The following NREP variants were observed in gnomAD, a reference collection of about 807,000 sequenced individuals.
NREP encodes neuronal regeneration related protein.
Under a neutral mutation model 8.6 loss-of-function variants are expected in NREP, and 5 were observed. The ratio of observed to expected loss-of-function variants is 0.58; its 90% CI spans 0.30 to 1.22. The LOEUF (loss-of-function observed/expected upper bound fraction) is 1.22, where lower values mean the gene tolerates loss of function less well. Ranked by LOEUF, NREP falls within the 50% of genes most tolerant of loss-of-function variation. The pLI is 0.07. For missense variants in NREP, 86 were observed against 82.5 expected (o/e 1.04, Z -0.17); for synonymous variants, 27 against 28.0 (o/e 0.96, Z 0.11).
intron 2 of NREP, among the ~76,000 whole-genome samples, chr5:111,744,137 T>C (rs533041935): frequency 1.0e-3 from 156 of 152,130 alleles, no homozygotes; most frequent in Non-Finnish European, 1.9e-3. Flanking sequence ...AAAGTCTGCA[T>C]TTTCCCCCGA....
At chr5:111,967,818 C>T (rs1756688405) in intron 2 of NREP, among the ~76,000 whole-genome samples, 1 of 152,086 alleles carries the variant, frequency 6.6e-6, no homozygotes. Context: ...GATCTTTTTC[C>T]CTCTCTTTCC....
intron 2 of NREP, among the ~76,000 whole-genome samples, chr5:111,970,265 T>C (rs1756773105): frequency 6.6e-6 from 1 of 152,166 alleles, no homozygotes; most frequent in African/African-American, 2.4e-5. Flanking sequence ...AGACAACTAG[T>C]AAAATAAACA....
At chr5:111,787,069 A>G (rs916060652) in intron 2 of NREP, among the ~76,000 whole-genome samples, 6 of 152,326 alleles carry the variant, frequency 3.9e-5, no homozygotes, top group Admixed American at 2.0e-4. Context: ...AAAAGGAACC[A>G]GCAGTAGCCA....
intron 2 of NREP, among the ~76,000 whole-genome samples, chr5:111,930,486 A>T (rs757380787): frequency 1.8e-4 from 28 of 152,300 alleles, no homozygotes; most frequent in Admixed American, 4.6e-4. Context: ...CCTTTTAACC[A>T]GAATGAGTTT....
At chr5:111,828,631 T>G (rs1752686158) in intron 2 of NREP, among the ~76,000 whole-genome samples, 1 of 152,052 alleles carries the variant, frequency 6.6e-6, no homozygotes, top group Non-Finnish European at 1.5e-5. Flanking sequence ...ATAAAAAAAA[T>G]GACTATGTAA....
At chr5:111,930,780 C>T (rs893254188) in intron 2 of NREP, among the ~76,000 whole-genome samples, 2 of 152,168 alleles carry the variant, frequency 1.3e-5, no homozygotes, top group African/African-American at 4.8e-5. Context: ...AGCAGTCTCT[C>T]TCCTCTTGCC....
chr5:111,810,527 ATC>A (rs1752246611), intron 2 of NREP, among the ~76,000 whole-genome samples: 1 of 152,214 alleles, frequency 6.6e-6, no homozygotes, highest in Admixed American at 6.5e-5. Flanking sequence ...TCCTGAGTGA[ATC>A]TCTGTTACTG....
chr5:111,799,645 C>T (rs934970554), intron 2 of NREP, among the ~76,000 whole-genome samples: 10 of 152,202 alleles, frequency 6.6e-5, no homozygotes, highest in Non-Finnish European at 1.5e-5. Flanking sequence ...AGACTGGCTT[C>T]ATATTCCCAC....
intron 2 of NREP, among the ~76,000 whole-genome samples, chr5:111,930,306 T>G (rs1215170548): frequency 6.6e-6 from 1 of 152,138 alleles, no homozygotes; most frequent in Non-Finnish European, 1.5e-5. Context: ...CAAATTCCAC[T>G]CCATCTGTTA....
chr5:111,914,145 A>T (rs1223785396), intron 2 of NREP, among the ~76,000 whole-genome samples: 1 of 152,122 alleles, frequency 6.6e-6, no homozygotes, highest in Non-Finnish European at 1.5e-5. Context: ...TCCATCTAAG[A>T]ATGTCCAGTA....
upstream of NREP, among the ~76,000 whole-genome samples, chr5:111,761,365 G>A (rs1453871343): frequency 6.6e-6 from 1 of 152,102 alleles, no homozygotes; most frequent in Non-Finnish European, 1.5e-5. Context: ...CTTTCCACAT[G>A]CTATTCCTCC....
intron 2 of NREP, among the ~76,000 whole-genome samples, chr5:111,924,901 G>C (rs908540405): frequency 6.6e-6 from 1 of 152,072 alleles, no homozygotes; most frequent in African/African-American, 2.4e-5. Flanking sequence ...AAGGATGCTG[G>C]CTCCCATGTG....
At chr5:111,768,192 T>A (rs1337477362) in intron 2 of NREP, among the ~76,000 whole-genome samples, 1 of 152,024 alleles carries the variant, frequency 6.6e-6, no homozygotes, top group Non-Finnish European at 1.5e-5. Flanking sequence ...TGAGGTAGAA[T>A]TGGTGGGAGA....
intron 2 of NREP, among the ~76,000 whole-genome samples, chr5:111,852,748 C>T (rs1308624544): frequency 6.6e-6 from 1 of 152,052 alleles, no homozygotes; most frequent in Non-Finnish European, 1.5e-5. Flanking sequence ...AATACAGTGT[C>T]ATTGTTTTTG....
chr5:111,837,418 T>G (rs1752921778), intron 2 of NREP, among the ~76,000 whole-genome samples: 1 of 151,994 alleles, frequency 6.6e-6, no homozygotes, highest in Non-Finnish European at 1.5e-5. Flanking sequence ...TGGTTGAAAT[T>G]GATTGAAAGA....
chr5:111,841,204 A>G (rs1200117778), intron 2 of NREP, among the ~76,000 whole-genome samples: 2 of 152,142 alleles, frequency 1.3e-5, no homozygotes, highest in Admixed American at 6.6e-5. Context: ...CTGAAGAACT[A>G]TATAAAACAT....
At chr5:111,927,763 T>A (rs1429483562) in intron 2 of NREP, among the ~76,000 whole-genome samples, 1 of 152,176 alleles carries the variant, frequency 6.6e-6, no homozygotes, top group Non-Finnish European at 1.5e-5. Context: ...CTCCTTTCCT[T>A]CCTATTTGCT....
chr5:111,741,919 C>A (rs188545927), intron 2 of NREP, among the ~76,000 whole-genome samples: 3 of 151,532 alleles, frequency 2.0e-5, no homozygotes, highest in African/African-American at 4.9e-5. Flanking sequence ...GAACACCCAA[C>A]TACTGCACTC....
chr5:111,869,241 A>G (rs1753733538), intron 2 of NREP, among the ~76,000 whole-genome samples: 1 of 152,216 alleles, frequency 6.6e-6, no homozygotes, highest in South Asian at 2.1e-4. Flanking sequence ...ACATCAGAGG[A>G]AGCAAGCGAA....
Sources: allele counts gnomAD v4.1 joint callset (sites outside exome capture counted in the v4.1 genomes callset), GRCh38; gene constraint gnomAD v4.1.1; transcripts MANE v1.5; gene names NCBI Gene and HGNC (gene_info 2026-07-23, HGNC 2026-07-21).